ABI3BP: variants seen among roughly 807,000 people sequenced by gnomAD.
ABI3BP encodes ABI family member 3 binding protein.
A neutral mutation model predicts 268.6 loss-of-function variants in ABI3BP; 216 were observed. The observed-to-expected ratio is 0.80, with a 90% CI of 0.72 to 0.90. The LOEUF (loss-of-function observed/expected upper bound fraction) is 0.90. ABI3BP is among the 40% of genes least tolerant of loss of function. The pLI is 0.00. For missense variants in ABI3BP, 2,090 were observed against 2,182.4 expected, an observed-to-expected ratio of 0.96 and a Z score of 0.84; for synonymous variants, 730 against 730.0, an observed-to-expected ratio of 1.00 and a Z score of 0.00.
intron 63 of ABI3BP, 149 bp downstream of exon 63, chr3:100,765,692 G>GT: frequency 3.5e-6 from 2 of 568,682 alleles, no homozygotes; most frequent in South Asian, 2.8e-5. Context: ...GACTCCAGAG[G>GT]TATCTAGTGC....
chr3:100,906,609 G>T (rs1268113613), intron 2 of ABI3BP, among the ~76,000 whole-genome samples: 2 of 152,198 alleles, frequency 1.3e-5, no homozygotes, highest in Non-Finnish European at 2.9e-5. Flanking sequence ...AGGAAAAGTT[G>T]CATAGAATGC....
intron 9 of ABI3BP, among the ~76,000 whole-genome samples, chr3:100,868,038 C>A (rs1409173471): frequency 6.6e-6 from 1 of 152,156 alleles, no homozygotes; most frequent in Non-Finnish European, 1.5e-5. Flanking sequence ...TGTGTTGAAT[C>A]ATAATATTAC....
chr3:100,810,183 T>C (rs544357867), intron 49 of ABI3BP, among the ~76,000 whole-genome samples: 6 of 152,236 alleles, frequency 3.9e-5, no homozygotes, highest in African/African-American at 1.4e-4. Context: ...TCCTATTCCC[T>C]GAATTAAACA....
At chr3:100,799,653 A>G (rs1026821643) in intron 51 of ABI3BP, among the ~76,000 whole-genome samples, 20 of 150,996 alleles carry the variant, frequency 1.3e-4, no homozygotes, top group African/African-American at 4.9e-4. Context: ...TCATCTCCCA[A>G]CTCCTTTCCT....
At chr3:100,894,870 C>A (rs1347271639) in intron 4 of ABI3BP, among the ~76,000 whole-genome samples, 4 of 132,382 alleles carry the variant, frequency 3.0e-5, no homozygotes, top group Non-Finnish European at 6.2e-5. Flanking sequence ...ACCCGGCAGG[C>A]GGAGCTTACA....
chr3:100,838,091 T>C, intron 26 of ABI3BP, 119 bp downstream of exon 26: 1 of 1,163,008 alleles, frequency 8.6e-7, no homozygotes, highest in Non-Finnish European at 1.2e-6. Flanking sequence ...GAGAAGATAA[T>C]GAACAAAATT....
At chr3:100,783,758 C>T (rs2096939635) in intron 57 of ABI3BP, among the ~76,000 whole-genome samples, 1 of 152,202 alleles carries the variant, frequency 6.6e-6, no homozygotes, top group African/African-American at 2.4e-5. Flanking sequence ...GTACACAGTA[C>T]ACATTGTACA....
At chr3:100,942,257 G>A (rs928286353) in intron 1 of ABI3BP, among the ~76,000 whole-genome samples, 1 of 151,968 alleles carries the variant, frequency 6.6e-6, no homozygotes, top group Admixed American at 6.6e-5. Flanking sequence ...GTAAAATAAC[G>A]CTACAATTGA....
chr3:100,822,234 C>A (rs962250551), intron 38 of ABI3BP, among the ~76,000 whole-genome samples: 1 of 152,130 alleles, frequency 6.6e-6, no homozygotes, highest in Non-Finnish European at 1.5e-5. Flanking sequence ...CTGATGTATA[C>A]CCCAAATGTG....
intron 4 of ABI3BP, among the ~76,000 whole-genome samples, chr3:100,890,991 T>TC (rs1561334174): frequency 6.6e-6 from 1 of 151,932 alleles, no homozygotes; most frequent in Non-Finnish European, 1.5e-5. Flanking sequence ...CAACTTTTTT[T>TC]TTTTTTTTGT....
At chr3:100,834,653 C>T (rs2098548084) in intron 29 of ABI3BP, 31 bp downstream of exon 29, 1 of 1,528,330 alleles carries the variant, frequency 6.5e-7, no homozygotes, top group African/African-American at 1.4e-5. Context: ...CAATGGGATG[C>T]CACAGGGACA....
At chr3:100,805,028 G>A (rs2097663436) in intron 50 of ABI3BP, among the ~76,000 whole-genome samples, 162 bp from the exon 51 acceptor site, 1 of 152,086 alleles carries the variant, frequency 6.6e-6, no homozygotes, top group Non-Finnish European at 1.5e-5. Flanking sequence ...TTAAGCTCTA[G>A]AAATAGGTTA....
At chr3:100,982,195 C>A (rs1048323685) in intron 1 of ABI3BP, among the ~76,000 whole-genome samples, 22 of 148,960 alleles carry the variant, frequency 1.5e-4, no homozygotes, top group African/African-American at 5.4e-4. Flanking sequence ...CCCCCATGAT[C>A]CAATCACCTC....
intron 1 of ABI3BP, among the ~76,000 whole-genome samples, chr3:100,948,962 TC>T (rs1284486779): frequency 6.6e-6 from 1 of 152,182 alleles, no homozygotes; most frequent in East Asian, 1.9e-4. Context: ...AAAAAATTAT[TC>T]ATTTAATATG....
Position 100,835,667 on chromosome 3 carries a change from A to T in ABI3BP, c.2132-7T>A. On this transcript the variant is annotated splice_region_variant and splice_polypyrimidine_tract_variant and intron_variant, in intron 27 of 67. Coordinates refer to ENST00000471714, the MANE Select transcript of ABI3BP (RefSeq NM_001375547.2). ...TCAATGTCTGTGGTGGGAACTAACC[A>T]AAAGCAATACAATAAACAATGGAGA... The T allele has an allele frequency of 6.5e-7, 1 of 1,531,874 alleles. No individual in the cohort carries two copies. Among genetic ancestry groups the T allele is most frequent in the Non-Finnish European group, 8.7e-7 (1 of 1,143,908 alleles). The allele number at this position is 1,531,874 out of a possible 1,614,324, so 94.9% of individuals were successfully genotyped here.
At chr3:100,987,932 T>C (rs1471937998) in intron 1 of ABI3BP, among the ~76,000 whole-genome samples, 1 of 152,190 alleles carries the variant, frequency 6.6e-6, no homozygotes, top group Non-Finnish European at 1.5e-5. Context: ...TCAAGAAAAT[T>C]TAGAACTGTA....
chr3:100,900,980 G>T (rs184487607), intron 3 of ABI3BP, among the ~76,000 whole-genome samples: 1 of 152,240 alleles, frequency 6.6e-6, no homozygotes, highest in East Asian at 1.9e-4. Context: ...TTTCTATCAA[G>T]AAACAGTTCA....
chr3:100,831,233 T>C (rs2098486887), intron 31 of ABI3BP, among the ~76,000 whole-genome samples: 1 of 151,862 alleles, frequency 6.6e-6, no homozygotes, highest in Non-Finnish European at 1.5e-5. Flanking sequence ...TAGGTGCATG[T>C]GCTGGGGGTG....
Position 100,821,103 on chromosome 3 carries a change from C to T in ABI3BP, c.2898G>A (p.Ala966=), listed in dbSNP as rs769795109. 1.5e-5 allele frequency: 23 copies of T among 1,535,598 alleles called. No individual in the cohort carries two copies. The highest frequency in any genetic ancestry group is 1.7e-4 in the Middle Eastern group (1 of 6,008). The change falls in exon 39 of 68, where the codon GCG becomes GCA. Residue 966 remains alanine, a synonymous_variant. Transcript: ENST00000471714. ...TTCTGAGTGTAACAGGTTTGAGCTC[C>T]GCAGTAGGAACTGATCAAAAGCATT... The part of the protein sequence containing the change: ...EAPESKPVPT[A]ELKPVTLRTE...
Sources: allele counts gnomAD v4.1 joint callset (sites outside exome capture counted in the v4.1 genomes callset), GRCh38; gene constraint gnomAD v4.1.1; transcripts MANE v1.5; gene names NCBI Gene and HGNC (gene_info 2026-07-23, HGNC 2026-07-21).